ERP44: variants seen among roughly 807,000 people sequenced by gnomAD.
The protein encoded by ERP44 is endoplasmic reticulum protein 44.
In ERP44, 25 loss-of-function variants were observed where a neutral mutation model predicts 53.4. The ratio of observed to expected loss-of-function variants is 0.47; its 90% CI spans 0.34 to 0.65. The LOEUF (loss-of-function observed/expected upper bound fraction) is 0.65, where lower values mean the gene tolerates loss of function less well. Among genes scored for constraint, ERP44 ranks in the 30% least tolerant of loss-of-function variants. The pLI is 0.01. For synonymous variants in ERP44, 145 were observed against 161.2 expected (o/e 0.90, Z 0.76); for missense variants, 338 against 493.2 (o/e 0.69, Z 2.98).
chr9:100,094,439 C>T (rs988431143), intron 1 of ERP44, among the ~76,000 whole-genome samples: 3 of 151,314 alleles, frequency 2.0e-5, no homozygotes, highest in African/African-American at 4.9e-5. Flanking sequence ...GGGCAGATCA[C>T]CTCAGGTCAG....
intron 1 of ERP44, among the ~76,000 whole-genome samples, chr9:100,069,336 AAAG>A (rs146685377): frequency 0.45 from 68,742 of 151,156 alleles, 17,036 homozygotes; most frequent in East Asian, 0.9. Flanking sequence ...AGAAAAAAGA[AAAG>A]AAGCATTTAT....
intron 10 of ERP44, among the ~76,000 whole-genome samples, chr9:99,991,071 G>C (rs947577340): frequency 6.6e-6 from 1 of 151,998 alleles, no homozygotes; most frequent in Admixed American, 6.6e-5. Flanking sequence ...ATAATGGGAG[G>C]CTTTAACACC....
chr9:100,040,640 G>A (rs1442819464), intron 4 of ERP44, among the ~76,000 whole-genome samples: 1 of 152,120 alleles, frequency 6.6e-6, no homozygotes, highest in African/African-American at 2.4e-5. Flanking sequence ...ATTCAACATA[G>A]TACTGGAAGT....
At chr9:100,002,618 A>C (rs534064538) in intron 10 of ERP44, among the ~76,000 whole-genome samples, 1 of 152,322 alleles carries the variant, frequency 6.6e-6, no homozygotes, top group East Asian at 1.9e-4. Flanking sequence ...TTCTGATGAG[A>C]AAACTGCTGC....
At chr9:99,996,781 T>G (rs892238283) in intron 10 of ERP44, among the ~76,000 whole-genome samples, 2 of 152,128 alleles carry the variant, frequency 1.3e-5, no homozygotes, top group African/African-American at 4.8e-5. Context: ...ACATACAATG[T>G]TTGGTTTTCC....
intron 10 of ERP44, among the ~76,000 whole-genome samples, chr9:99,994,783 AAC>A (rs1387507194): frequency 1.4e-4 from 22 of 152,318 alleles, no homozygotes; most frequent in African/African-American, 5.3e-4. Context: ...TGTGTCTTAA[AAC>A]TAGGTAATGT....
intron 10 of ERP44, among the ~76,000 whole-genome samples, chr9:99,995,277 G>A (rs1046318118): frequency 2.0e-5 from 3 of 152,286 alleles, no homozygotes; most frequent in South Asian, 2.1e-4. Context: ...AGATAATCAT[G>A]TTATATACAA....
At chr9:100,047,033 G>A (rs1825979122) in intron 4 of ERP44, among the ~76,000 whole-genome samples, 1 of 152,128 alleles carries the variant, frequency 6.6e-6, no homozygotes, top group African/African-American at 2.4e-5. Flanking sequence ...AACAAATAAT[G>A]CCAGAACCAT....
At chr9:100,005,869 G>A (rs892355985) in intron 10 of ERP44, among the ~76,000 whole-genome samples, 11 of 152,202 alleles carry the variant, frequency 7.2e-5, no homozygotes, top group South Asian at 4.2e-4. Context: ...TAAACTTTTC[G>A]TATAAGAAAC....
At chr9:100,045,965 T>A (rs958172876) in intron 4 of ERP44, among the ~76,000 whole-genome samples, 1 of 152,078 alleles carries the variant, frequency 6.6e-6, no homozygotes, top group African/African-American at 2.4e-5. Flanking sequence ...AAGTAGAAAA[T>A]CTATGGACTG....
At chr9:100,097,079 C>T (rs552882574) in intron 1 of ERP44, among the ~76,000 whole-genome samples, 1 of 152,156 alleles carries the variant, frequency 6.6e-6, no homozygotes, top group Non-Finnish European at 1.5e-5. Context: ...TATTCTCTAA[C>T]ATATTTTCCA....
At chr9:100,061,895 C>T (rs1439969026) in intron 1 of ERP44, among the ~76,000 whole-genome samples, 4 of 152,188 alleles carry the variant, frequency 2.6e-5, no homozygotes, top group Admixed American at 1.3e-4. Flanking sequence ...GAACACATTA[C>T]TCCAAAATAT....
chr9:100,020,699 C>T lies in ERP44; in HGVS notation c.504G>A (p.Glu168=), dbSNP rs759978577. 2.5e-6 allele frequency: 4 copies of T among 1,604,370 alleles called. No homozygotes were observed. In the Admixed American group the frequency reaches 6.7e-5, roughly 27 times the overall value. ...CTCTATAGTTGTCCGAGTCCTTTTG[C>T]TCAAAATATCCAATGATATTTCTTT... ...RSKRNIIGYF[E]QKDSDNYRVF... is the part of the protein sequence containing the mutation. Residue 168 remains glutamate, a synonymous_variant, in exon 6 of 12, where the codon GAG becomes GAA. Transcript: ENST00000262455.
chr9:100,039,242 T>A (rs937775323), intron 4 of ERP44, among the ~76,000 whole-genome samples: 2 of 152,174 alleles, frequency 1.3e-5, no homozygotes, highest in Non-Finnish European at 2.9e-5. Context: ...CACATTCTTT[T>A]CCTCATCACA....
chr9:100,095,453 TA>T (rs1188496379), intron 1 of ERP44, among the ~76,000 whole-genome samples: 1 of 151,880 alleles, frequency 6.6e-6, no homozygotes. Flanking sequence ...TATTTTTTTT[TA>T]AAAAAAGGGA....
Position 100,072,544 on chromosome 9 carries a change from T to C in ERP44, c.58-12372A>G, listed in dbSNP as rs372896493. Among the ~76,000 whole-genome samples the C allele has an allele frequency of 7.6e-4, 115 of 152,232 alleles. No individual in the cohort carries two copies. The South Asian group carries it at 0.016, about 21-fold the overall frequency. ...AACTCTCTCTTTTCTTCTTTTGAGA[T>C]AGAGTTTTGCTCTTGTTGTCCAAGC... On this transcript the variant is annotated intron_variant, in intron 1 of 11. Coordinates refer to ENST00000262455, the MANE Select transcript of ERP44 (RefSeq NM_015051.3).
chr9:100,068,102 C>T (rs1373446410), intron 1 of ERP44, among the ~76,000 whole-genome samples: 3 of 148,334 alleles, frequency 2.0e-5, no homozygotes, highest in African/African-American at 7.5e-5. Flanking sequence ...CCCGCCCGGC[C>T]AGCTGCCCCA....
At chr9:100,082,781 G>A (rs1401156174) in intron 1 of ERP44, among the ~76,000 whole-genome samples, 1 of 149,628 alleles carries the variant, frequency 6.7e-6, no homozygotes, top group Non-Finnish European at 1.5e-5. Flanking sequence ...CCACGTATAA[G>A]TAGATCCATG....
At chr9:100,080,468 G>A (rs1188999230) in intron 1 of ERP44, among the ~76,000 whole-genome samples, 1 of 152,018 alleles carries the variant, frequency 6.6e-6, no homozygotes, top group African/African-American at 2.4e-5. Flanking sequence ...GAAGATGAAA[G>A]CACTGCACCA....
Sources: gnomAD v4.1 joint callset for allele counts (sites outside exome capture counted in the v4.1 genomes callset) on GRCh38, gnomAD v4.1.1 for gene constraint, MANE v1.5 for transcripts, NCBI Gene and HGNC (gene_info 2026-07-23, HGNC 2026-07-21) for gene names.